TLN2: variants seen among roughly 807,000 people sequenced by gnomAD.
TLN2 encodes talin 2.
In TLN2, 118 loss-of-function variants were observed where a neutral mutation model predicts 294.7. That is an observed-to-expected ratio of 0.40 (90% CI 0.34 to 0.47). TLN2 has a LOEUF of 0.47. Among genes scored for constraint, TLN2 ranks in the 20% least tolerant of loss-of-function variants. The pLI is 0.84. For synonymous variants in TLN2, 1,431 were observed against 1,304.5 expected, an observed-to-expected ratio of 1.10 and a Z score of -2.09; for missense variants, 3,083 against 3,282.2, an observed-to-expected ratio of 0.94 and a Z score of 1.48.
chr15:62,836,232 T>G, intron 57 of TLN2, 159 bp downstream of exon 57: 1 of 994,116 alleles, frequency 1.0e-6, no homozygotes, highest in Non-Finnish European at 1.5e-6. Context: ...CCATGCATCC[T>G]CCACTGCTGC....
Position 62,792,648 on chromosome 15 carries a change from T to A in TLN2, c.5744T>A (p.Phe1915Tyr), listed in dbSNP as rs777554648. 6.2e-7 allele frequency: 1 copy of A among 1,613,086 alleles called. No individual in the cohort carries two copies. The highest frequency in any genetic ancestry group is 8.5e-7 in the Non-Finnish European group (1 of 1,179,822). Residue 1915 changes from phenylalanine to tyrosine, a missense_variant, in exon 46 of 59, where the codon TTC becomes TAC. By Grantham distance (22) the Phe-to-Tyr change is conservative. Coordinates refer to ENST00000636159, the MANE Select transcript of TLN2 (RefSeq NM_015059.3). Reference protein sequence around the residue: ...AATAEPEEIGFQIRTRVQDLG... With the variant: ...AATAEPEEIGYQIRTRVQDLG... ...CTGGGCTTGCCTCTGCAGATCGGAT[T>A]CCAGATTCGCACTCGTGTGCAGGAC... is the stretch of plus-strand genomic sequence containing the variant.
chr15:62,451,839 C>T (rs998572766), intron 1 of TLN2, among the ~76,000 whole-genome samples: 18 of 152,138 alleles, frequency 1.2e-4, no homozygotes, highest in Admixed American at 1.0e-3. Flanking sequence ...CATATCAAGC[C>T]GCTAGAGTGC....
chr15:62,745,165 CCCTTTTTAA>C (rs1400248441), intron 32 of TLN2, among the ~76,000 whole-genome samples: 1 of 152,194 alleles, frequency 6.6e-6, no homozygotes, highest in Non-Finnish European at 1.5e-5. Flanking sequence ...TTTACCTTAA[CCCTTTTTAA>C]CCATTGAAGT....
At chr15:62,451,113 C>T (rs1359732934) in intron 1 of TLN2, among the ~76,000 whole-genome samples, 3 of 152,072 alleles carry the variant, frequency 2.0e-5, no homozygotes, top group South Asian at 2.1e-4. Flanking sequence ...TGTGCCTGAC[C>T]TGCCTGGTTC....
intron 1 of TLN2, among the ~76,000 whole-genome samples, chr15:62,548,616 A>G (rs2042123062): frequency 6.6e-6 from 1 of 152,160 alleles, no homozygotes. Flanking sequence ...TATTCCGCCT[A>G]ACTAACATGG....
In TLN2 at chr15:62,797,393, C is replaced by T. The variant is rs773012082; in HGVS notation, c.6225C>T (p.Pro2075=). ...LGAASLGSDD[P]ETQVVLINAI... ...CAGCCAGCCTGGGCTCCGACGACCCCGAGACCCAGGTACCAGCAGGGCCTG... is the reference window on the plus strand; with the variant it reads ...CAGCCAGCCTGGGCTCCGACGACCCTGAGACCCAGGTACCAGCAGGGCCTG... Residue 2075 remains proline (P), a synonymous_variant, in exon 48 of 59, where the codon CCC becomes CCT. Coordinates refer to ENST00000636159, the MANE Select transcript of TLN2 (RefSeq NM_015059.3). 13 of 1,603,196 alleles carry T rather than the reference C, an allele frequency of 8.1e-6. No individual in the cohort carries two copies. Among genetic ancestry groups the T allele is most frequent in the Admixed American group, 6.8e-5 (4 of 58,398 alleles).
At chr15:62,595,253 C>T (rs978898385) in intron 2 of TLN2, among the ~76,000 whole-genome samples, 1 of 151,974 alleles carries the variant, frequency 6.6e-6, no homozygotes, top group Non-Finnish European at 1.5e-5. Context: ...AACCCCGTCT[C>T]TACTGAAAAT....
At chr15:62,610,712 C>T (rs1169568388) in intron 2 of TLN2, among the ~76,000 whole-genome samples, 1 of 152,160 alleles carries the variant, frequency 6.6e-6, no homozygotes, top group African/African-American at 2.4e-5. Flanking sequence ...CCTGGCAGCT[C>T]AAATGTTTTG....
intron 19 of TLN2, among the ~76,000 whole-genome samples, chr15:62,703,992 G>A (rs1045975822): frequency 1.3e-5 from 2 of 152,164 alleles, no homozygotes; most frequent in Non-Finnish European, 2.9e-5. Flanking sequence ...CTCTAATTTT[G>A]CAAGTAATAT....
intron 44 of TLN2, 59 bp from the exon 45 acceptor site, chr15:62,783,712 C>T (rs2064384389): frequency 2.8e-6 from 4 of 1,444,730 alleles, no homozygotes; most frequent in East Asian, 5.1e-5. Context: ...GGTTCTCATG[C>T]GTTTCTCTCT....
At chr15:62,415,459 CTGTT>C (rs2034020388) in intron 1 of TLN2, among the ~76,000 whole-genome samples, 1 of 142,668 alleles carries the variant, frequency 7.0e-6, no homozygotes, top group Non-Finnish European at 1.5e-5. Context: ...ACAGAGCTCT[CTGTT>C]TAAGAAACGT....
chr15:62,816,198 G>A (rs1036542609), intron 52 of TLN2, among the ~76,000 whole-genome samples: 4 of 152,260 alleles, frequency 2.6e-5, no homozygotes, highest in African/African-American at 7.2e-5. Flanking sequence ...CCATCTCCCC[G>A]CTGCCCCGAG....
intron 54 of TLN2, among the ~76,000 whole-genome samples, chr15:62,824,541 A>G (rs1290668106): frequency 3.3e-5 from 5 of 152,208 alleles, no homozygotes; most frequent in Non-Finnish European, 7.3e-5. Context: ...AGCTGCATGG[A>G]TACTGAGTCA....
chr15:62,840,031 C>T (rs528639111), intron 58 of TLN2, among the ~76,000 whole-genome samples: 1 of 152,204 alleles, frequency 6.6e-6, no homozygotes, highest in South Asian at 2.1e-4. Context: ...ATCTGGTGGT[C>T]CAGGGCTCCG....
At chr15:62,819,328 T>A (rs2067365841) in intron 52 of TLN2, among the ~76,000 whole-genome samples, 188 bp from the exon 53 acceptor site, 1 of 152,208 alleles carries the variant, frequency 6.6e-6, no homozygotes, top group Admixed American at 6.5e-5. Context: ...AACCTTTTAT[T>A]TCTCACATGG....
At chr15:62,702,704 T>C in intron 18 of TLN2, 62 bp from the exon 19 acceptor site, 1 of 1,504,830 alleles carries the variant, frequency 6.6e-7, no homozygotes, top group Non-Finnish European at 9.2e-7. Context: ...TGTACTTCCA[T>C]GTCTGATGGC....
chr15:62,673,788 A>G (rs1237313541), intron 9 of TLN2, 39 bp from the exon 10 acceptor site: 12 of 1,540,428 alleles, frequency 7.8e-6, no homozygotes, highest in Non-Finnish European at 1.1e-5. Flanking sequence ...ATCATGGAAC[A>G]TGATAAATGC....
intron 1 of TLN2, among the ~76,000 whole-genome samples, chr15:62,411,870 G>A (rs753849134): frequency 3.3e-5 from 5 of 152,182 alleles, no homozygotes; most frequent in Non-Finnish European, 5.9e-5. Flanking sequence ...AGGAGACAAG[G>A]GGACCCACGG....
chr15:62,828,479 T>A (rs2141234423), intron 54 of TLN2: 1 of 152,388 alleles, frequency 6.6e-6, no homozygotes. Flanking sequence ...TTCACTCTTT[T>A]TCCCAGTGCT....
Sources: gnomAD v4.1 joint callset for allele counts (sites outside exome capture counted in the v4.1 genomes callset) on GRCh38, gnomAD v4.1.1 for gene constraint, MANE v1.5 for transcripts, NCBI Gene and HGNC (gene_info 2026-07-23, HGNC 2026-07-21) for gene names.